The following BTBD9 variants were observed in gnomAD, a reference collection of about 807,000 sequenced individuals.
BTBD9 encodes the protein BTB/POZ domain-containing protein 9.
In BTBD9, 49 loss-of-function variants were observed where a neutral mutation model predicts 64.3. The observed-to-expected ratio is 0.76, with a 90% confidence interval of 0.61 to 0.97. The LOEUF (loss-of-function observed/expected upper bound fraction) is 0.97. BTBD9 is among the 50% of genes least tolerant of loss of function. BTBD9 has a pLI of 0.00. For missense variants in BTBD9, 598 were observed against 762.1 expected (o/e 0.78, Z 2.53); for synonymous variants, 260 against 274.7 (o/e 0.95, Z 0.53).
intron 6 of BTBD9, among the ~76,000 whole-genome samples, chr6:38,446,231 C>T (rs969631678): frequency 3.3e-5 from 5 of 152,044 alleles, no homozygotes; most frequent in African/African-American, 4.8e-5. Flanking sequence ...AAGAGATTGA[C>T]CACAGAAAGG....
intron 6 of BTBD9, among the ~76,000 whole-genome samples, chr6:38,530,200 G>C (rs1773725785): frequency 6.6e-6 from 1 of 152,148 alleles, no homozygotes; most frequent in African/African-American, 2.4e-5. Flanking sequence ...GGTCAGACCA[G>C]TTCTCTGCTC....
chr6:38,375,891 A>AAAAGAAAGAAAGAAAGAAAG lies in BTBD9; in HGVS notation c.1155-30818_1155-30799dup, dbSNP rs70981544. ...GAGTCTACAAACAAAAGAAAGAAAG[A>AAAAGAAAGAAAGAAAGAAAG]AAAGAAAGAAAGAAAGAAAGAAAGA... On this transcript the variant is annotated intron_variant, in intron 6 of 10. Transcript: ENST00000481247. 4.0e-3 allele frequency among the ~76,000 whole-genome samples: 489 copies of AAAAGAAAGAAAGAAAGAAAG among 122,366 alleles called. 6 individuals carry two copies. Among genetic ancestry groups the AAAAGAAAGAAAGAAAGAAAG allele is most frequent in the Non-Finnish European group, 4.5e-3 (269 of 59,584 alleles). The allele number at this position is 122,366 out of a possible 152,430, so 80.3% of individuals were successfully genotyped here.
chr6:38,176,832 G>GC (rs1288153215), intron 10 of BTBD9, among the ~76,000 whole-genome samples: 1 of 152,140 alleles, frequency 6.6e-6, no homozygotes. Flanking sequence ...GGGCATGTCG[G>GC]CCACTCATGG....
Position 38,265,363 on chromosome 6 carries a change from G to A in BTBD9, c.1455-8847C>T, listed in dbSNP as rs76090963. Among the ~76,000 whole-genome samples, 1,059 of 152,124 alleles carry A rather than the reference G, an allele frequency of 7.0e-3. 8 individuals are homozygous for A. The highest frequency in any genetic ancestry group is 0.023 in the African/African-American group (958 of 41,480). Reference sequence around the variant, plus strand: ...TATTTATTTAAAGCCCACATACCATGAGAAATATAGTATAATCTAGGTATG... The same window carrying A: ...TATTTATTTAAAGCCCACATACCATAAGAAATATAGTATAATCTAGGTATG... On this transcript the variant is annotated intron_variant, in intron 8 of 10. Coordinates refer to ENST00000481247, the MANE Select transcript of BTBD9 (RefSeq NM_001099272.2).
At chr6:38,385,794 CTT>C (rs34019950) in intron 6 of BTBD9, among the ~76,000 whole-genome samples, 14 of 129,376 alleles carry the variant, frequency 1.1e-4, no homozygotes, top group Admixed American at 1.6e-4. Flanking sequence ...TAATATCATA[CTT>C]TTTTTTTTTT....
chr6:38,188,760 G>C (rs565249369), intron 10 of BTBD9, among the ~76,000 whole-genome samples: 1 of 152,292 alleles, frequency 6.6e-6, no homozygotes, highest in African/African-American at 2.4e-5. Flanking sequence ...CAGGTTCAGC[G>C]GAGGTCATGA....
intron 6 of BTBD9, among the ~76,000 whole-genome samples, chr6:38,563,726 CCCTA>C (rs1194402451): frequency 6.6e-6 from 1 of 151,934 alleles, no homozygotes; most frequent in Non-Finnish European, 1.5e-5. Context: ...CTCAAGATTT[CCCTA>C]CCTGTCTCTG....
intron 6 of BTBD9, chr6:38,402,976 G>T: frequency 1.6e-6 from 1 of 612,670 alleles, no homozygotes; most frequent in Non-Finnish European, 2.9e-6. Context: ...AGCTGGTTAA[G>T]GTGGGAGAAT....
At chr6:38,538,660 C>A (rs1307756162) in intron 6 of BTBD9, among the ~76,000 whole-genome samples, 1 of 152,098 alleles carries the variant, frequency 6.6e-6, no homozygotes, top group Non-Finnish European at 1.5e-5. Flanking sequence ...CCAGCCTGGG[C>A]GCAGTGGTGC....
chr6:38,378,729 C>T (rs907088277), intron 6 of BTBD9, among the ~76,000 whole-genome samples: 1 of 151,398 alleles, frequency 6.6e-6, no homozygotes, highest in African/African-American at 2.4e-5. Context: ...CAAAAATTAG[C>T]TGGGCGTGGT....
intron 7 of BTBD9, among the ~76,000 whole-genome samples, chr6:38,301,538 G>A (rs1762403690): frequency 6.6e-6 from 1 of 152,032 alleles, no homozygotes; most frequent in Non-Finnish European, 1.5e-5. Flanking sequence ...CAATTTCAGA[G>A]CCTGTTATTG....
chr6:38,562,001 T>C (rs1254545487), intron 6 of BTBD9, among the ~76,000 whole-genome samples: 1 of 152,194 alleles, frequency 6.6e-6, no homozygotes, highest in Non-Finnish European at 1.5e-5. Flanking sequence ...TCTATCCTTA[T>C]TACCAATACC....
At chr6:38,326,403 GT>G (rs1272440272) in intron 7 of BTBD9, among the ~76,000 whole-genome samples, 2 of 152,174 alleles carry the variant, frequency 1.3e-5, no homozygotes, top group Non-Finnish European at 2.9e-5. Flanking sequence ...GCAACAGAAA[GT>G]CTCTGAGTGA....
At chr6:38,258,975 G>A (rs1239676139) in intron 8 of BTBD9, among the ~76,000 whole-genome samples, 3 of 152,206 alleles carry the variant, frequency 2.0e-5, no homozygotes, top group African/African-American at 4.8e-5. Flanking sequence ...TAGGCCCTAT[G>A]TTAAGTGCTC....
chr6:38,620,243 G>C (rs1013725802), intron 1 of BTBD9, among the ~76,000 whole-genome samples: 1 of 152,202 alleles, frequency 6.6e-6, no homozygotes, highest in Non-Finnish European at 1.5e-5. Context: ...CAATGAGGCA[G>C]TAATTCCTCT....
In BTBD9 at chr6:38,332,865, T is replaced by C. The variant is rs572888013; in HGVS notation, c.1264+12119A>G. ...TTTATAGTTTCTTTACATTAAAGCCTGTGGATTTAGTAACTTTTTTCCAAG... is the reference window on the plus strand; with the variant it reads ...TTTATAGTTTCTTTACATTAAAGCCCGTGGATTTAGTAACTTTTTTCCAAG... On this transcript the variant is annotated intron_variant, in intron 7 of 10. Transcript: ENST00000481247. 1.0e-3 allele frequency among the ~76,000 whole-genome samples: 153 copies of C among 152,360 alleles called. 2 individuals are homozygous for C. Among genetic ancestry groups the C allele is most frequent in the African/African-American group, 3.4e-3 (143 of 41,578 alleles).
intron 6 of BTBD9, among the ~76,000 whole-genome samples, chr6:38,444,976 C>T (rs1769201713): frequency 6.6e-6 from 1 of 152,186 alleles, no homozygotes; most frequent in East Asian, 1.9e-4. Flanking sequence ...ATTTCCTATT[C>T]CTCTTTGGCT....
At chr6:38,437,527 T>C (rs1337024849) in intron 6 of BTBD9, among the ~76,000 whole-genome samples, 3 of 152,234 alleles carry the variant, frequency 2.0e-5, no homozygotes, top group Non-Finnish European at 4.4e-5. Context: ...TCTGGGTTTA[T>C]TGTTATTTCT....
At chr6:38,617,735 C>T (rs1302554521) in intron 1 of BTBD9, among the ~76,000 whole-genome samples, 6 of 152,202 alleles carry the variant, frequency 3.9e-5, no homozygotes, top group Admixed American at 3.9e-4. Context: ...TGTTCCAATG[C>T]TGGAAATCCC....
Sources: gnomAD v4.1 joint callset for allele counts (sites outside exome capture counted in the v4.1 genomes callset) on GRCh38, gnomAD v4.1.1 for gene constraint, MANE v1.5 for transcripts, NCBI Gene and HGNC (gene_info 2026-07-23, HGNC 2026-07-21) for gene names.